OR13A1: variants seen among roughly 807,000 people sequenced by gnomAD.
OR13A1 encodes olfactory receptor family 13 subfamily A member 1.
A neutral mutation model predicts 7.5 loss-of-function variants in OR13A1; 10 were observed. The ratio of observed to expected loss-of-function variants is 1.34; its 90% CI spans 0.83 to 2.27. OR13A1 has a LOEUF of 2.27. OR13A1 is among the 30% of genes most tolerant of loss of function. The pLI is 0.00. For synonymous variants in OR13A1, 238 were observed against 177.9 expected, an observed-to-expected ratio of 1.34 and a Z score of -2.69; for missense variants, 509 against 419.1, an observed-to-expected ratio of 1.21 and a Z score of -1.87.
intron 1 of OR13A1, among the ~76,000 whole-genome samples, chr10:45,309,929 A>G (rs1047657277): frequency 1.3e-5 from 2 of 152,194 alleles, no homozygotes; most frequent in Non-Finnish European, 2.9e-5. Flanking sequence ...CAATTTTTCA[A>G]TATATAGAAT....
In OR13A1 at chr10:45,307,825, G is replaced by C. The variant is rs2133041252; in HGVS notation, c.-224-17C>G. ...CTCAAGCTTCTGAAGGGGGAAAAAA[G>C]GCATCTTGGATTACATTTATCACTT... On this transcript the variant is annotated splice_polypyrimidine_tract_variant and intron_variant, in intron 1 of 3. Coordinates refer to ENST00000553795, the MANE Select transcript of OR13A1 (RefSeq NM_001004297.3). 6.6e-6 allele frequency: 1 copy of C among 152,132 alleles called. No homozygotes were observed. Among genetic ancestry groups the C allele is most frequent in the South Asian group, 2.1e-4 (1 of 4,814 alleles). The allele number at this position is 152,132 out of a possible 1,614,324, so 9.4% of individuals were successfully genotyped here. A position where few individuals can be genotyped will look rare whatever the true frequency, so the allele number is the denominator to read the frequency against.
chr10:45,312,017 C>CA (rs570860412), intron 1 of OR13A1, among the ~76,000 whole-genome samples: 45 of 151,860 alleles, frequency 3.0e-4, no homozygotes, highest in South Asian at 6.3e-4. Context: ...TTAGACATTG[C>CA]AAAAAAATTA....
At chr10:45,302,579 A>G (rs931006362), downstream of OR13A1, 2 of 152,228 alleles carry the variant, frequency 1.3e-5, no homozygotes, top group Admixed American at 6.5e-5. Context: ...CCAAGATACA[A>G]CTAAACATTC....
chr10:45,310,576 A>T (rs1296864284), intron 1 of OR13A1, among the ~76,000 whole-genome samples: 1 of 152,192 alleles, frequency 6.6e-6, no homozygotes, highest in Non-Finnish European at 1.5e-5. Context: ...GGAAGCTGGG[A>T]AATGTGGTCA....
At position 45,315,562 on chromosome 10, in the gene OR13A1, G is replaced by A. The variant is rs1321958551; in HGVS notation, c.-263C>T. On this transcript the variant is annotated 5_prime_UTR_variant, in exon 1 of 4. Coordinates refer to ENST00000553795, the MANE Select transcript of OR13A1 (RefSeq NM_001004297.3). ...AGATTCAAACTTTTCTTCTGGATTAGGAACAAGACAAGTATACTCTGTCTC... is the reference window on the plus strand; with the variant it reads ...AGATTCAAACTTTTCTTCTGGATTAAGAACAAGACAAGTATACTCTGTCTC... 1.3e-5 allele frequency: 2 copies of A among 151,952 alleles called. No individual in the cohort carries two copies. The highest frequency in any genetic ancestry group is 1.9e-4 in the East Asian group (1 of 5,196). 9.4% of individuals were successfully genotyped at this position (151,952 alleles called of 1,614,324 possible).
At chr10:45,310,970 G>C (rs192714444) in intron 1 of OR13A1, among the ~76,000 whole-genome samples, 1 of 152,322 alleles carries the variant, frequency 6.6e-6, no homozygotes, top group East Asian at 1.9e-4. Context: ...CCATTTGATG[G>C]AGAAAAATGC....
rs1838247221 is a variant in OR13A1 at position 45,303,437 on chromosome 10, T to A, written c.986A>T (p.Ter329LeuextTer18). 1 of 1,586,136 alleles carries A rather than the reference T, an allele frequency of 6.3e-7. No homozygotes were observed. The highest frequency in any genetic ancestry group is 1.8e-5 in the Admixed American group (1 of 55,944). Reference protein sequence around the residue: ...LRKLFPFFRN* With the variant: ...LRKLFPFFRNL ...GACAAAAACTTCAGAAGACACAAGT[T>A]AATTTCTGAAGAAAGGGAAAAGCTT... The change falls in exon 4 of 4, where the codon TAA (stop) becomes TTA (leucine). Residue 329 changes from the stop codon to leucine (L), a stop_lost. Coordinates refer to ENST00000553795, the MANE Select transcript of OR13A1 (RefSeq NM_001004297.3).
Position 45,304,423 on chromosome 10 carries a change from G to A in OR13A1, c.-1C>T. 6 of 1,610,342 alleles carry A rather than the reference G, an allele frequency of 3.7e-6. No homozygotes were observed. Among genetic ancestry groups the A allele is most frequent in the Non-Finnish European group, 5.1e-6 (6 of 1,178,342 alleles). On this transcript the variant is annotated 5_prime_UTR_variant, in exon 4 of 4. Coordinates refer to ENST00000553795, the MANE Select transcript of OR13A1 (RefSeq NM_001004297.3). ...GGTGACTCTCCATCCACAGCTTCAT[G>A]TGATTTCAGAGCTAGAGAGATAAAC... is the stretch of plus-strand genomic sequence containing the variant.
Position 45,303,718 on chromosome 10 carries a change from G to A in OR13A1, c.705C>T (p.Ser235=). Residue 235 remains serine (S), a synonymous_variant, in exon 4 of 4, where the codon TCC becomes TCT. Transcript: ENST00000553795. ...GGATGCTGGAGACGATGAAGCCATA[G>A]GACGCGATGGTCATCAGGAAGTTCA... ...GIVNFLMTIA[S]YGFIVSSILK... is the part of the protein sequence containing the mutation. The A allele has an allele frequency of 6.2e-7, 1 of 1,614,208 alleles. No individual in the cohort carries two copies. Among genetic ancestry groups the A allele is most frequent in the Non-Finnish European group, 8.5e-7 (1 of 1,180,040 alleles).
rs1477784932 is a variant in OR13A1, at chr10:45,306,700, C to T, written c.-13+726G>A. On this transcript the variant is annotated intron_variant, in intron 3 of 3. Transcript: ENST00000553795. ...AGGTAAAAACTGTTTTTTGAATAGGCAAGCATAAAATCCCTATGACTCAGA... is the reference window on the plus strand; with the variant it reads ...AGGTAAAAACTGTTTTTTGAATAGGTAAGCATAAAATCCCTATGACTCAGA... Among the ~76,000 whole-genome samples, 3 of 152,058 alleles carry T rather than the reference C, an allele frequency of 2.0e-5. No homozygotes were observed. The East Asian group carries it at 5.8e-4, about 29-fold the overall frequency.
chr10:45,315,131 G>C (rs532224524), intron 1 of OR13A1, among the ~76,000 whole-genome samples: 1 of 152,040 alleles, frequency 6.6e-6, no homozygotes, highest in East Asian at 1.9e-4. Context: ...GATCAGGTTG[G>C]CTTTATTCCT....
At chr10:45,305,047 A>C (rs1339793116) in intron 3 of OR13A1, among the ~76,000 whole-genome samples, 1 of 152,126 alleles carries the variant, frequency 6.6e-6, no homozygotes, top group East Asian at 1.9e-4. Flanking sequence ...CCTGTCCAAA[A>C]TGGTGAAACC....
chr10:45,309,995 C>T lies in OR13A1; in HGVS notation c.-224-2187G>A, dbSNP rs1009628608. On this transcript the variant is annotated intron_variant, in intron 1 of 3. Transcript: ENST00000553795. ...TGCGGGGACTAAATAAGATGACGTA[C>T]ATGAATCCATTTTAGAAACCATGTT... Among the ~76,000 whole-genome samples the T allele has an allele frequency of 4.6e-5, 7 of 152,280 alleles. No homozygotes were observed. The East Asian group carries it at 1.3e-3, about 29-fold the overall frequency.
intron 3 of OR13A1, among the ~76,000 whole-genome samples, chr10:45,304,673 T>C (rs1035201865): frequency 6.6e-6 from 1 of 152,192 alleles, no homozygotes; most frequent in African/African-American, 2.4e-5. Flanking sequence ...CATGATCTAG[T>C]CTTCATCATC....
At chr10:45,313,333 A>T (rs111228530) in intron 1 of OR13A1, among the ~76,000 whole-genome samples, 28,263 of 151,906 alleles carry the variant, frequency 0.19, 4,000 homozygotes, top group African/African-American at 0.39. Context: ...CACAAAAAAA[A>T]ATCGACAAAA....
chr10:45,306,685 T>A (rs1838337374), intron 3 of OR13A1, among the ~76,000 whole-genome samples: 3 of 152,140 alleles, frequency 2.0e-5, no homozygotes, highest in Admixed American at 6.5e-5. Context: ...AGGTAAAAAC[T>A]GTTTTTTGAA....
rs1211798291 is a variant in OR13A1, at chr10:45,303,187, T to C, written c.*249A>G. ...TTTCTCCTCCTAGGCCCTGTGTTTC[T>C]CTGCCAACTCAGCACTGACACCACC... is the stretch of plus-strand genomic sequence containing the variant. On this transcript the variant is annotated 3_prime_UTR_variant, in exon 4 of 4. Coordinates refer to ENST00000553795, the MANE Select transcript of OR13A1 (RefSeq NM_001004297.3). 2 of 473,992 alleles carry C rather than the reference T, an allele frequency of 4.2e-6. No individual in the cohort carries two copies. Among genetic ancestry groups the C allele is most frequent in the East Asian group, 6.6e-5 (2 of 30,162 alleles). 29.4% of individuals were successfully genotyped at this position (473,992 alleles called of 1,614,324 possible).
intron 1 of OR13A1, among the ~76,000 whole-genome samples, chr10:45,309,489 A>G (rs1564535353): frequency 6.6e-6 from 1 of 152,028 alleles, no homozygotes. Flanking sequence ...TGTCCCATTC[A>G]GGGGTTCTCC....
intron 3 of OR13A1, among the ~76,000 whole-genome samples, chr10:45,305,489 G>A (rs1456610354): frequency 6.6e-6 from 1 of 152,204 alleles, no homozygotes; most frequent in Non-Finnish European, 1.5e-5. Flanking sequence ...TTGCTGGTCT[G>A]TATTTTCTAC....
Sources: allele counts gnomAD v4.1 joint callset (sites outside exome capture counted in the v4.1 genomes callset), GRCh38; gene constraint gnomAD v4.1.1; transcripts MANE v1.5; gene names NCBI Gene and HGNC (gene_info 2026-07-23, HGNC 2026-07-21).